Variants in TENM2 observed in about 807,000 individuals in gnomAD.
The protein encoded by TENM2 is teneurin-2.
TENM2 carries 52 observed loss-of-function variants against 245.2 expected under a neutral mutation model. The ratio of observed to expected loss-of-function variants is 0.21; its 90% CI spans 0.17 to 0.27. The LOEUF is 0.27. TENM2 is among the 10% of genes least tolerant of loss of function. The pLI is 1.00. For synonymous variants in TENM2, 1,363 were observed against 1,438.9 expected, an observed-to-expected ratio of 0.95 and a Z score of 1.19; for missense variants, 3,046 against 3,666.8, an observed-to-expected ratio of 0.83 and a Z score of 4.37.
chr5:167,349,730 A>G (rs1213468650), intron 1 of TENM2, among the ~76,000 whole-genome samples: 2 of 151,906 alleles, frequency 1.3e-5, no homozygotes, highest in African/African-American at 4.8e-5. Context: ...AATTTTGGTG[A>G]TTGTGTTAGT....
chr5:167,342,507 C>CT (rs35451881), intron 1 of TENM2, among the ~76,000 whole-genome samples: 2,267 of 54,254 alleles, frequency 0.042, 678 homozygotes, highest in South Asian at 0.085. Context: ...TAAAGTTATT[C>CT]TTTTTTTTTT....
At chr5:168,042,909 C>T (rs183328215) in intron 5 of TENM2, among the ~76,000 whole-genome samples, 26 of 152,266 alleles carry the variant, frequency 1.7e-4, no homozygotes, top group African/African-American at 6.3e-4. Context: ...CATGAGTTTC[C>T]GCTCAGAGCC....
At chr5:167,226,778 T>C in the TENM2 span, among the ~76,000 whole-genome samples, 1 of 152,032 alleles carries the variant, frequency 6.6e-6, no homozygotes, top group Non-Finnish European at 1.5e-5. Flanking sequence ...GTAAGTCAGA[T>C]ATTGAAGTTC....
the TENM2 span, among the ~76,000 whole-genome samples, chr5:167,077,700 T>C: frequency 1.3e-5 from 2 of 152,184 alleles, no homozygotes; most frequent in African/African-American, 4.8e-5. Context: ...TCAACTACCA[T>C]TGGGTTGTGG....
At chr5:167,818,215 T>C (rs6880473) in intron 2 of TENM2, among the ~76,000 whole-genome samples, 12,090 of 152,210 alleles carry the variant, frequency 0.079, 582 homozygotes, top group African/African-American at 0.12. Flanking sequence ...TCTTGTTTAG[T>C]TTTTATTGAC....
intron 4 of TENM2, among the ~76,000 whole-genome samples, chr5:167,975,303 G>A (rs891676394): frequency 4.6e-5 from 7 of 152,154 alleles, no homozygotes; most frequent in African/African-American, 1.4e-4. Flanking sequence ...AAGAAACTAG[G>A]AAGCTTTCAA....
At chr5:168,209,036 T>C (rs975553674) in intron 19 of TENM2, among the ~76,000 whole-genome samples, 2 of 152,242 alleles carry the variant, frequency 1.3e-5, no homozygotes, top group African/African-American at 4.8e-5. Flanking sequence ...TCTTTGATCA[T>C]CTTTTAATAT....
At chr5:167,084,329 A>T in the TENM2 span, among the ~76,000 whole-genome samples, 51 of 57,636 alleles carry the variant, frequency 8.8e-4, 1 homozygote, top group Non-Finnish European at 1.2e-3. Context: ...CATTTTAGTT[A>T]TATATATATA....
At chr5:167,268,065 A>G in the TENM2 span, among the ~76,000 whole-genome samples, 6 of 152,152 alleles carry the variant, frequency 3.9e-5, no homozygotes, top group Non-Finnish European at 1.5e-5. Flanking sequence ...CTGGAACTTA[A>G]AACTTGAACT....
At chr5:168,096,331 A>G in intron 8 of TENM2, among the ~76,000 whole-genome samples, 1 of 152,234 alleles carries the variant, frequency 6.6e-6, no homozygotes, top group East Asian at 1.9e-4. Context: ...GAATTCAAAA[A>G]ATAAATGAAT....
At chr5:167,184,407 A>G in the TENM2 span, among the ~76,000 whole-genome samples, 1 of 152,194 alleles carries the variant, frequency 6.6e-6, no homozygotes, top group Non-Finnish European at 1.5e-5. Flanking sequence ...AATACTGAAA[A>G]TACCGTTTAT....
intron 2 of TENM2, among the ~76,000 whole-genome samples, chr5:167,509,885 A>T (rs955699175): frequency 6.6e-6 from 1 of 152,276 alleles, no homozygotes; most frequent in East Asian, 1.9e-4. Context: ...AGTTCTTTTG[A>T]CTCCCAAGCC....
At chr5:167,154,179 G>A in the TENM2 span, among the ~76,000 whole-genome samples, 1 of 152,196 alleles carries the variant, frequency 6.6e-6, no homozygotes, top group African/African-American at 2.4e-5. Flanking sequence ...CTGTTCTTGT[G>A]TATATGTATT....
intron 6 of TENM2, among the ~76,000 whole-genome samples, chr5:168,055,098 C>T (rs1789424785): frequency 6.6e-6 from 1 of 152,124 alleles, no homozygotes; most frequent in Non-Finnish European, 1.5e-5. Flanking sequence ...GTGAGATCCT[C>T]ACAGAATGAT....
chr5:167,105,848 A>C, the TENM2 span, among the ~76,000 whole-genome samples: 1 of 122,980 alleles, frequency 8.1e-6, no homozygotes, highest in Admixed American at 1.0e-4. Flanking sequence ...AGATCCCGCC[A>C]CTGCACTCCA....
chr5:167,109,230 A>T, the TENM2 span, among the ~76,000 whole-genome samples: 1 of 146,016 alleles, frequency 6.8e-6, no homozygotes, highest in Admixed American at 6.9e-5. Context: ...AAATCTTTTA[A>T]TTTTTTTTTT....
At chr5:167,821,674 T>C (rs1290334687) in intron 2 of TENM2, among the ~76,000 whole-genome samples, 1 of 152,240 alleles carries the variant, frequency 6.6e-6, no homozygotes, top group African/African-American at 2.4e-5. Flanking sequence ...TATGGAGTGT[T>C]TTATAACATA....
At chr5:167,377,739 C>CT (rs1189897969) in intron 2 of TENM2, among the ~76,000 whole-genome samples, 1 of 152,082 alleles carries the variant, frequency 6.6e-6, no homozygotes, top group African/African-American at 2.4e-5. Flanking sequence ...GAAATCAATG[C>CT]TTTTTCACAT....
intron 2 of TENM2, among the ~76,000 whole-genome samples, chr5:167,696,867 C>T (rs1488730582): frequency 6.6e-6 from 1 of 152,094 alleles, no homozygotes; most frequent in Non-Finnish European, 1.5e-5. Context: ...ACCCAGCAGC[C>T]AGTAAGACCT....
Sources: gnomAD v4.1 joint callset for allele counts (sites outside exome capture counted in the v4.1 genomes callset) on GRCh38, gnomAD v4.1.1 for gene constraint, MANE v1.5 for transcripts, NCBI Gene and HGNC (gene_info 2026-07-23, HGNC 2026-07-21) for gene names.